IPO5: variants seen among roughly 807,000 people sequenced by gnomAD.
IPO5 encodes importin 5, also known as importin-5.
IPO5 carries 18 observed loss-of-function variants against 143.3 expected under a neutral mutation model. That is an observed-to-expected ratio of 0.13 (90% CI 0.09 to 0.19). IPO5 has a LOEUF of 0.19. Among genes scored for constraint, IPO5 ranks in the 10% least tolerant of loss-of-function variants. IPO5 has a pLI of 1.00. For synonymous variants in IPO5, 477 were observed against 465.7 expected, an observed-to-expected ratio of 1.02 and a Z score of -0.31; for missense variants, 1,013 against 1,336.9, an observed-to-expected ratio of 0.76 and a Z score of 3.78.
chr13:97,980,101 T>C (rs973670280), intron 4 of IPO5, among the ~76,000 whole-genome samples: 2 of 152,222 alleles, frequency 1.3e-5, no homozygotes, highest in African/African-American at 4.8e-5. Context: ...ACTGATAACA[T>C]TCACTGAACC....
At chr13:98,010,371 A>G in intron 20 of IPO5, 147 bp downstream of exon 20, 1 of 749,250 alleles carries the variant, frequency 1.3e-6, no homozygotes, top group Non-Finnish European at 2.1e-6. Flanking sequence ...TTTTAAAGAA[A>G]TCGTATGGAT....
chr13:97,955,257 G>T (rs1454108531), intron 2 of IPO5, among the ~76,000 whole-genome samples: 2 of 151,562 alleles, frequency 1.3e-5, no homozygotes, highest in Non-Finnish European at 2.9e-5. Flanking sequence ...ATACCTAAGT[G>T]GCCAAATACC....
At chr13:98,019,485 C>G in intron 26 of IPO5, 96 bp from the exon 27 acceptor site, 1 of 839,248 alleles carries the variant, frequency 1.2e-6, no homozygotes, top group Non-Finnish European at 1.9e-6. Flanking sequence ...CATTTCTTTA[C>G]CATAATCAAT....
intron 9 of IPO5, among the ~76,000 whole-genome samples, chr13:97,991,054 A>G (rs1253809312): frequency 2.0e-5 from 3 of 152,016 alleles, no homozygotes; most frequent in East Asian, 4.0e-4. Context: ...GCTCCTGGGG[A>G]AAAAAATTTT....
At chr13:98,017,810 T>G (rs1455159839) in intron 25 of IPO5, among the ~76,000 whole-genome samples, 1 of 151,750 alleles carries the variant, frequency 6.6e-6, no homozygotes, top group Non-Finnish European at 1.5e-5. Flanking sequence ...TTTGTTTTGT[T>G]TTTTTGTATT....
intron 22 of IPO5, among the ~76,000 whole-genome samples, chr13:98,015,176 C>T (rs1452601306): frequency 6.6e-6 from 1 of 151,430 alleles, no homozygotes; most frequent in Admixed American, 6.6e-5. Context: ...AATGCCCTTC[C>T]TTCAGTGTTC....
At chr13:98,021,224 TAAG>T (rs1890465116) in intron 28 of IPO5, 91 bp downstream of exon 28, 11 of 1,149,024 alleles carry the variant, frequency 9.6e-6, no homozygotes, top group African/African-American at 1.6e-5. Flanking sequence ...TCTAATGAGC[TAAG>T]GAATTTTATT....
rs1450595051 is a variant in IPO5, at chr13:98,023,061, A to G, written c.*1239A>G. On this transcript the variant is annotated 3_prime_UTR_variant, in exon 29 of 29. Coordinates refer to ENST00000651721, the MANE Select transcript of IPO5 (RefSeq NM_002271.6). Reference sequence around the variant, plus strand: ...TATGCATAGATCAGAATTTTAAATTAAAGGTTTTTTCTTTAAATGATTTGT... The same window carrying G: ...TATGCATAGATCAGAATTTTAAATTGAAGGTTTTTTCTTTAAATGATTTGT... 1 of 152,672 alleles carries G rather than the reference A, an allele frequency of 6.5e-6. No individual in the cohort carries two copies. The highest frequency in any genetic ancestry group is 1.5e-5 in the Non-Finnish European group (1 of 68,046). The allele number at this position is 152,672 out of a possible 1,614,324, so 9.5% of individuals were successfully genotyped here. A position where few individuals can be genotyped will look rare whatever the true frequency, so the allele number is the denominator to read the frequency against.
chr13:97,972,613 T>C (rs539016389), intron 3 of IPO5, among the ~76,000 whole-genome samples: 49 of 152,348 alleles, frequency 3.2e-4, no homozygotes, highest in Non-Finnish European at 5.4e-4. Flanking sequence ...GTGCCAAGTC[T>C]AATAAACTGC....
chr13:97,980,337 A>G (rs755363753), intron 4 of IPO5, among the ~76,000 whole-genome samples: 12 of 152,188 alleles, frequency 7.9e-5, no homozygotes, highest in Non-Finnish European at 1.8e-4. Flanking sequence ...CTCAACAGAC[A>G]TCATCTGTCA....
rs375691358 is a variant in IPO5, at chr13:97,983,243, C to G, written c.171+660C>G. Among the ~76,000 whole-genome samples the G allele has an allele frequency of 2.0e-5, 3 of 152,114 alleles. No homozygotes were observed. The East Asian group carries it at 5.8e-4, about 29-fold the overall frequency. ...TTTATTCTAAAGAAGTAAATTAGTT[C>G]AGTGTTTTGATGTGTTATCAATGTT... On this transcript the variant is annotated intron_variant, in intron 5 of 28. Transcript: ENST00000651721.
intron 9 of IPO5, 139 bp downstream of exon 9, chr13:97,990,676 C>G: frequency 1.9e-6 from 1 of 524,540 alleles, no homozygotes. Context: ...ATGCAAATCT[C>G]AGTCTCCATT....
intron 20 of IPO5, among the ~76,000 whole-genome samples, chr13:98,011,272 G>T (rs772717877): frequency 2.0e-5 from 3 of 151,434 alleles, no homozygotes; most frequent in Admixed American, 6.6e-5. Flanking sequence ...GGTTTTTGGG[G>T]TTTTTTTTGT....
At chr13:97,966,003 G>A (rs1319407874) in intron 2 of IPO5, among the ~76,000 whole-genome samples, 1 of 151,822 alleles carries the variant, frequency 6.6e-6, no homozygotes, top group African/African-American at 2.4e-5. Context: ...TTAGCTGGGT[G>A]TGGTGGCTTG....
chr13:97,966,396 G>C (rs1885340376), intron 2 of IPO5, among the ~76,000 whole-genome samples: 1 of 152,082 alleles, frequency 6.6e-6, no homozygotes, highest in Middle Eastern at 3.2e-3. Flanking sequence ...TGCTCATATA[G>C]TTTTTACGCT....
intron 6 of IPO5, among the ~76,000 whole-genome samples, chr13:97,986,767 A>G (rs2139669656): frequency 6.6e-6 from 1 of 152,366 alleles, no homozygotes; most frequent in Admixed American, 6.5e-5. Context: ...TAAAAATAAT[A>G]GTAATGTAAT....
Position 98,019,799 on chromosome 13 carries a change from C to G in IPO5, c.3055C>G (p.Leu1019Val). The G allele has an allele frequency of 6.2e-7, 1 of 1,606,994 alleles. No homozygotes were observed. The highest frequency in any genetic ancestry group is 8.5e-7 in the Non-Finnish European group (1 of 1,173,652). Residue 1019 changes from leucine to valine, a missense_variant, in exon 27 of 29, where the codon CTG (leucine) becomes GTG (valine). By Grantham distance (32) the Leu-to-Val change is conservative (BLOSUM62 1). Transcript: ENST00000651721. Reference sequence around the variant, plus strand: ...TCAGACTTTCAATTATCTGTGTGACCTGATTGAAAGGTAGGAAAGCAGACT... The same window carrying G: ...TCAGACTTTCAATTATCTGTGTGACGTGATTGAAAGGTAGGAAAGCAGACT... ...AVQTFNYLCD[L>V]IESNHPIVLG...
At chr13:97,962,525 A>T (rs1349311069) in intron 2 of IPO5, among the ~76,000 whole-genome samples, 1 of 151,984 alleles carries the variant, frequency 6.6e-6, no homozygotes, top group Non-Finnish European at 1.5e-5. Context: ...TGAACCAATA[A>T]GAAATAGATG....
In IPO5 at chr13:97,992,880, C is replaced by T. The variant is rs376565875; in HGVS notation, c.670-12C>T. 5 of 1,598,972 alleles carry T rather than the reference C, an allele frequency of 3.1e-6. No individual in the cohort carries two copies. Among genetic ancestry groups the T allele is most frequent in the African/African-American group, 1.3e-5 (1 of 74,580 alleles). On this transcript the variant is annotated splice_polypyrimidine_tract_variant and intron_variant, in intron 9 of 28. Coordinates refer to ENST00000651721, the MANE Select transcript of IPO5 (RefSeq NM_002271.6). ...AATCTTCAGCACCGACTTTCTGTTT[C>T]ATCTTTTCTAGGCGGTAAATGACTC...
Sources: gnomAD v4.1 joint callset for allele counts (sites outside exome capture counted in the v4.1 genomes callset) on GRCh38, gnomAD v4.1.1 for gene constraint, MANE v1.5 for transcripts, NCBI Gene and HGNC (gene_info 2026-07-23, HGNC 2026-07-21) for gene names.